Variants in SLC6A5 observed in about 807,000 individuals in gnomAD.
The protein encoded by SLC6A5 is sodium- and chloride-dependent glycine transporter 2.
SLC6A5 carries 58 observed loss-of-function variants against 90.5 expected under a neutral mutation model. That is an observed-to-expected ratio of 0.64 (90% CI 0.52 to 0.80). The LOEUF (loss-of-function observed/expected upper bound fraction) is 0.80. SLC6A5 is among the 30% of genes least tolerant of loss of function. SLC6A5 has a pLI of 0.00. For missense variants in SLC6A5, 1,015 were observed against 1,017.6 expected (o/e 1.00, Z 0.03); for synonymous variants, 427 against 401.4 (o/e 1.06, Z -0.76).
Position 20,658,222 on chromosome 11 carries a change from C to T in SLC6A5, c.*3354C>T, listed in dbSNP as rs2133830982. 6.6e-6 allele frequency: 1 copy of T among 152,236 alleles called. No individual in the cohort carries two copies. Among genetic ancestry groups the T allele is most frequent in the Middle Eastern group, 3.4e-3 (1 of 294 alleles). 9.4% of individuals were successfully genotyped at this position (152,236 alleles called of 1,614,324 possible). ...TCCACCTTTGCTCTCAGCATGGTTTCCCATGCCTAAAAGTAAGATTTTCTT... is the reference window on the plus strand; with the variant it reads ...TCCACCTTTGCTCTCAGCATGGTTTTCCATGCCTAAAAGTAAGATTTTCTT... On this transcript the variant is annotated 3_prime_UTR_variant, in exon 16 of 16. Transcript: ENST00000525748.
chr11:20,614,761 G>C lies in SLC6A5; in HGVS notation c.1068G>C (p.Met356Ile). Reference sequence around the variant, plus strand: ...TGACCGCTTATCCCAACGTGACAATGGTTAATTTCACCAGCCAGGCCAATA... The same window carrying C: ...TGACCGCTTATCCCAACGTGACAATCGTTAATTTCACCAGCCAGGCCAATA... ...FCMTAYPNVT[M>I]VNFTSQANKT... is the part of the protein sequence containing the mutation. The change falls in exon 6 of 16, where the codon ATG (methionine) becomes ATC (isoleucine). Residue 356 changes from methionine (M) to isoleucine (I), a missense_variant. This residue lies in a region of SLC6A5 where 567 missense variants were observed against 507.3 expected (regional missense o/e 1.12). Coordinates refer to ENST00000525748, the MANE Select transcript of SLC6A5 (RefSeq NM_004211.5). 1 of 1,613,650 alleles carries C rather than the reference G, an allele frequency of 6.2e-7. No homozygotes were observed. Among genetic ancestry groups the C allele is most frequent in the Non-Finnish European group, 8.5e-7 (1 of 1,179,534 alleles).
chr11:20,605,786 CCCCTCAG>C (rs1286641539), intron 3 of SLC6A5, among the ~76,000 whole-genome samples: 5 of 152,248 alleles, frequency 3.3e-5, no homozygotes, highest in African/African-American at 1.2e-4. Context: ...CGGCTCGAGG[CCCCTCAG>C]CCCTCAGTGC....
At chr11:20,603,476 A>G (rs1219403867) in intron 2 of SLC6A5, among the ~76,000 whole-genome samples, 1 of 152,174 alleles carries the variant, frequency 6.6e-6, no homozygotes, top group Non-Finnish European at 1.5e-5. Flanking sequence ...TCTTTTACAG[A>G]TGAGACACGG....
intron 5 of SLC6A5, among the ~76,000 whole-genome samples, chr11:20,613,169 A>G (rs1182198498): frequency 1.3e-5 from 2 of 152,306 alleles, no homozygotes; most frequent in African/African-American, 4.8e-5. Flanking sequence ...TAGCCACTGC[A>G]TCCCTCTGTG....
At chr11:20,614,419 A>G (rs1426686207) in intron 5 of SLC6A5, among the ~76,000 whole-genome samples, 1 of 152,208 alleles carries the variant, frequency 6.6e-6, no homozygotes, top group Admixed American at 6.5e-5. Flanking sequence ...ATACTTGCCT[A>G]CCACATAGAG....
At chr11:20,604,451 G>C (rs1429456597) in intron 3 of SLC6A5, 27 bp downstream of exon 3, 1 of 1,610,590 alleles carries the variant, frequency 6.2e-7, no homozygotes, top group Non-Finnish European at 8.5e-7. Context: ...CTTTCCGCCT[G>C]CGGCGGGGCG....
intron 14 of SLC6A5, among the ~76,000 whole-genome samples, chr11:20,651,633 C>T (rs890219970): frequency 4.0e-5 from 6 of 151,682 alleles, no homozygotes; most frequent in African/African-American, 1.2e-4. Flanking sequence ...ACGGGCTGGG[C>T]ACAGTGGCTC....
chr11:20,610,043 A>G (rs1852664384), intron 5 of SLC6A5, among the ~76,000 whole-genome samples: 2 of 152,184 alleles, frequency 1.3e-5, no homozygotes, highest in Non-Finnish European at 2.9e-5. Context: ...TATCATTTCT[A>G]TTTCCGGAAT....
At chr11:20,638,693 G>A in intron 13 of SLC6A5, 135 bp downstream of exon 13, 1 of 707,386 alleles carries the variant, frequency 1.4e-6, no homozygotes, top group Admixed American at 1.9e-5. Flanking sequence ...TAAGAGAGCT[G>A]CACTTTTGTT....
At chr11:20,639,540 G>T (rs1027691640) in intron 13 of SLC6A5, among the ~76,000 whole-genome samples, 6 of 152,086 alleles carry the variant, frequency 3.9e-5, no homozygotes, top group Non-Finnish European at 5.9e-5. Context: ...AGGCCAGAGG[G>T]GTCTGCAGAG....
intron 5 of SLC6A5, among the ~76,000 whole-genome samples, chr11:20,610,723 A>T (rs186867550): frequency 6.6e-6 from 1 of 152,332 alleles, no homozygotes; most frequent in East Asian, 1.9e-4. Flanking sequence ...TAAAGAAGAT[A>T]CTTTGAATAG....
intron 7 of SLC6A5, 78 bp from the exon 8 acceptor site, chr11:20,626,630 C>T: frequency 6.6e-7 from 1 of 1,507,220 alleles, no homozygotes; most frequent in Non-Finnish European, 9.2e-7. Context: ...CCCCACTCTT[C>T]CCCGAGCAAT....
At chr11:20,600,923 G>A (rs569637178) in intron 1 of SLC6A5, among the ~76,000 whole-genome samples, 107 of 152,204 alleles carry the variant, frequency 7.0e-4, no homozygotes, top group Non-Finnish European at 1.3e-3. Context: ...GGGAATATTA[G>A]CTTCTTTTTG....
Position 20,658,775 on chromosome 11 carries a change from G to A in SLC6A5, c.*3907G>A, listed in dbSNP as rs1198992230. On this transcript the variant is annotated 3_prime_UTR_variant, in exon 16 of 16. Coordinates refer to ENST00000525748, the MANE Select transcript of SLC6A5 (RefSeq NM_004211.5). ...TGCCACGGATTAAATACATCTTCAGGTAACCATTTGCCTTACAGGTGTATT... is the reference window on the plus strand; with the variant it reads ...TGCCACGGATTAAATACATCTTCAGATAACCATTTGCCTTACAGGTGTATT... 6.6e-6 allele frequency: 1 copy of A among 152,052 alleles called. No individual in the cohort carries two copies. Among genetic ancestry groups the A allele is most frequent in the African/African-American group, 2.4e-5 (1 of 41,398 alleles). The allele number at this position is 152,052 out of a possible 1,614,324, so 9.4% of individuals were successfully genotyped here.
intron 8 of SLC6A5, among the ~76,000 whole-genome samples, chr11:20,627,162 C>G (rs1275813914): frequency 6.6e-6 from 1 of 152,154 alleles, no homozygotes; most frequent in Non-Finnish European, 1.5e-5. Flanking sequence ...GGTAGTTTTG[C>G]TGGTGGGAAA....
intron 3 of SLC6A5, 21 bp from the exon 4 acceptor site, chr11:20,606,986 A>G (rs1287945557): frequency 1.2e-6 from 2 of 1,613,698 alleles, no homozygotes; most frequent in East Asian, 2.2e-5. Flanking sequence ...TAGGGCTCTC[A>G]CTCCCCACTC....
chr11:20,647,005 G>A, intron 14 of SLC6A5, 71 bp downstream of exon 14: 1 of 993,854 alleles, frequency 1.0e-6, no homozygotes, highest in South Asian at 1.3e-5. Context: ...CATTTGAACA[G>A]TGCATGCCTG....
chr11:20,601,190 C>T lies in SLC6A5; in HGVS notation c.65C>T (p.Ala22Val). 1 of 1,587,250 alleles carries T rather than the reference C, an allele frequency of 6.3e-7. No individual in the cohort carries two copies. Among genetic ancestry groups the T allele is most frequent in the Admixed American group, 1.7e-5 (1 of 58,566 alleles). Residue 22 changes from alanine (A) to valine (V), a missense_variant, in exon 2 of 16, where the codon GCG becomes GTG. Physicochemically the swap from Ala to Val is moderately conservative, Grantham distance 64. Transcript: ENST00000525748. The stretch of plus-strand genomic sequence containing the variant: ...GCCAACAGCCCGGAGGCGGCGGCGG[C>T]GCAGGGCCACCCGGATGGCCCATGC... ...LPANSPEAAA[A>V]QGHPDGPCAP...
chr11:20,617,698 C>G (rs568745695), intron 6 of SLC6A5, 54 bp from the exon 7 acceptor site: 1 of 1,548,798 alleles, frequency 6.5e-7, no homozygotes, highest in Admixed American at 1.7e-5. Context: ...CTGCCTGTCA[C>G]CTCCCTCTCT....
Sources: allele counts gnomAD v4.1 joint callset (sites outside exome capture counted in the v4.1 genomes callset), GRCh38; gene constraint gnomAD v4.1.1; regional missense constraint gnomAD v4.1.1; transcripts MANE v1.5; gene names NCBI Gene and HGNC (gene_info 2026-07-23, HGNC 2026-07-21).